The following GRIN2B variants were observed in gnomAD, a reference collection of about 807,000 sequenced individuals.
GRIN2B encodes glutamate ionotropic receptor NMDA type subunit 2B.
GRIN2B carries 5 observed loss-of-function variants against 114.5 expected under a neutral mutation model. That is an observed-to-expected ratio of 0.04 (90% CI 0.02 to 0.09). The LOEUF (loss-of-function observed/expected upper bound fraction) is 0.09. GRIN2B is among the 10% of genes least tolerant of loss of function. GRIN2B has a pLI of 1.00. For synonymous variants in GRIN2B, 787 were observed against 745.1 expected, an observed-to-expected ratio of 1.06 and a Z score of -0.92; for missense variants, 1,108 against 1,943.5, an observed-to-expected ratio of 0.57 and a Z score of 8.08.
At position 13,556,560 on chromosome 12, in the gene GRIN2B, T is replaced by G. The variant is rs1948481362; in HGVS notation, c.*6223A>C. 6.6e-6 allele frequency: 1 copy of G among 152,136 alleles called. No homozygotes were observed. Among genetic ancestry groups the G allele is most frequent in the African/African-American group, 2.4e-5 (1 of 41,418 alleles). 9.4% of individuals were successfully genotyped at this position (152,136 alleles called of 1,614,324 possible). A position where few individuals can be genotyped will look rare whatever the true frequency, so the allele number is the denominator to read the frequency against. Reference sequence around the variant, plus strand: ...TCCTAAATCACAACATTAAAATAATTACCGATAAAAGAGTTCAGGTTTAAA... The same window carrying G: ...TCCTAAATCACAACATTAAAATAATGACCGATAAAAGAGTTCAGGTTTAAA... On this transcript the variant is annotated 3_prime_UTR_variant, in exon 14 of 14. Coordinates refer to ENST00000609686, the MANE Select transcript of GRIN2B (RefSeq NM_000834.5).
chr12:13,898,641 G>T (rs767410538), intron 2 of GRIN2B, among the ~76,000 whole-genome samples: 2 of 152,238 alleles, frequency 1.3e-5, no homozygotes, highest in African/African-American at 4.8e-5. Context: ...GCTGGGCACG[G>T]TGGCTCATGC....
At position 13,629,998 on chromosome 12, in the gene GRIN2B, G is replaced by A. The variant is rs536210249; in HGVS notation, c.1126-13341C>T. Among the ~76,000 whole-genome samples the A allele has an allele frequency of 3.9e-5, 6 of 152,230 alleles. No homozygotes were observed. The South Asian group carries it at 1.2e-3, about 32-fold the overall frequency. ...ATATCTCGGCCTCACAACTTGCCATGATATCTTATATCTAACTGCTTATGT... is the reference window on the plus strand; with the variant it reads ...ATATCTCGGCCTCACAACTTGCCATAATATCTTATATCTAACTGCTTATGT... On this transcript the variant is annotated intron_variant, in intron 5 of 13. Transcript: ENST00000609686.
At chr12:13,705,448 T>C (rs11055596) in intron 4 of GRIN2B, among the ~76,000 whole-genome samples, 47,615 of 152,022 alleles carry the variant, frequency 0.31, 8,452 homozygotes, top group Non-Finnish European at 0.41. Flanking sequence ...AAAAGTATAC[T>C]ATATTTTGAA....
intron 3 of GRIN2B, among the ~76,000 whole-genome samples, chr12:13,769,625 G>A (rs542782496): frequency 5.9e-5 from 9 of 152,348 alleles, no homozygotes; most frequent in African/African-American, 2.2e-4. Flanking sequence ...TGCACTTGAA[G>A]ATTTATAGTT....
intron 10 of GRIN2B, among the ~76,000 whole-genome samples, chr12:13,576,942 C>T (rs1948784717): frequency 6.6e-6 from 1 of 152,168 alleles, no homozygotes; most frequent in Admixed American, 6.5e-5. Flanking sequence ...ATTATCAACA[C>T]ATAGATTTGG....
chr12:13,952,744 C>T (rs1867511978), intron 2 of GRIN2B, among the ~76,000 whole-genome samples: 1 of 151,894 alleles, frequency 6.6e-6, no homozygotes, highest in African/African-American at 2.4e-5. Flanking sequence ...GTTAGAACTT[C>T]TATTTATATT....
At chr12:13,737,470 C>T (rs565023923) in intron 4 of GRIN2B, among the ~76,000 whole-genome samples, 11 of 152,266 alleles carry the variant, frequency 7.2e-5, no homozygotes, top group Admixed American at 1.3e-4. Context: ...CTCAGCCTCC[C>T]AAAATGCTGG....
intron 5 of GRIN2B, among the ~76,000 whole-genome samples, chr12:13,630,303 A>G (rs1445078024): frequency 1.3e-5 from 2 of 152,276 alleles, no homozygotes; most frequent in Non-Finnish European, 2.9e-5. Flanking sequence ...TTTAATTTTC[A>G]GAATAGTCTT....
At chr12:13,672,296 G>A (rs757317314) in intron 5 of GRIN2B, among the ~76,000 whole-genome samples, 2 of 152,096 alleles carry the variant, frequency 1.3e-5, no homozygotes, top group East Asian at 3.9e-4. Flanking sequence ...ACCAGTGGCT[G>A]ACAGTCCTAT....
intron 2 of GRIN2B, among the ~76,000 whole-genome samples, chr12:13,951,048 C>T (rs1472245809): frequency 6.6e-6 from 1 of 152,014 alleles, no homozygotes; most frequent in Non-Finnish European, 1.5e-5. Context: ...AAGAGCAAGG[C>T]CAAGAGAGAG....
chr12:13,611,895 A>G, intron 8 of GRIN2B, 45 bp from the exon 9 acceptor site: 1 of 1,602,312 alleles, frequency 6.2e-7, no homozygotes, highest in Non-Finnish European at 8.6e-7. Context: ...AACAGAGAGC[A>G]AAAGAATTCG....
intron 10 of GRIN2B, among the ~76,000 whole-genome samples, chr12:13,573,112 C>T (rs1275100228): frequency 6.7e-6 from 1 of 149,142 alleles, no homozygotes; most frequent in Non-Finnish European, 1.5e-5. Context: ...GATGATAATG[C>T]CTAATTTTCA....
Position 13,553,047 on chromosome 12 carries a change from A to G in GRIN2B, c.*9736T>C, listed in dbSNP as rs1948433642. ...AATGGCATAATGAGATTTACAGAGAAGGCTGGCCGGGAGAAGGAACGAAAA... is the reference window on the plus strand; with the variant it reads ...AATGGCATAATGAGATTTACAGAGAGGGCTGGCCGGGAGAAGGAACGAAAA... On this transcript the variant is annotated 3_prime_UTR_variant, in exon 14 of 14. Transcript: ENST00000609686. 6.6e-6 allele frequency: 1 copy of G among 152,240 alleles called. No homozygotes were observed. The highest frequency in any genetic ancestry group is 6.5e-5 in the Admixed American group (1 of 15,280). The allele number at this position is 152,240 out of a possible 1,614,324, so 9.4% of individuals were successfully genotyped here. A position where few individuals can be genotyped will look rare whatever the true frequency, so the allele number is the denominator to read the frequency against.
intron 2 of GRIN2B, among the ~76,000 whole-genome samples, chr12:13,945,731 A>G (rs1223959264): frequency 6.6e-6 from 1 of 152,206 alleles, no homozygotes; most frequent in East Asian, 1.9e-4. Flanking sequence ...AAAGCAGGTC[A>G]GTCTAACCCC....
At position 13,843,026 on chromosome 12, in the gene GRIN2B, ATTATTTAT is replaced by A. The variant is rs60291696; in HGVS notation, c.411+22764_411+22771del. On this transcript the variant is annotated intron_variant, in intron 3 of 13. Transcript: ENST00000609686. ...TAATTTTTACTTTTTAAAATTTTTT[ATTATTTAT>A]TTATTTATTTATTTATTTATATTTT... is the stretch of plus-strand genomic sequence containing the variant. Among the ~76,000 whole-genome samples the A allele has an allele frequency of 8.5e-3, 993 of 117,086 alleles. 6 individuals are homozygous for A. The highest frequency in any genetic ancestry group is 0.018 in the Middle Eastern group (4 of 224). 76.8% of individuals were successfully genotyped at this position (117,086 alleles called of 152,430 possible).
intron 5 of GRIN2B, among the ~76,000 whole-genome samples, chr12:13,657,007 C>T (rs994823471): frequency 2.0e-5 from 3 of 152,104 alleles, no homozygotes; most frequent in Admixed American, 6.5e-5. Context: ...ACTCAGAAAA[C>T]GGATCAATCG....
chr12:13,837,692 C>G (rs766971256), intron 3 of GRIN2B, among the ~76,000 whole-genome samples: 4 of 152,056 alleles, frequency 2.6e-5, no homozygotes, highest in Admixed American at 6.5e-5. Context: ...GCCTTCCTCT[C>G]GATGGTGGTG....
intron 4 of GRIN2B, among the ~76,000 whole-genome samples, chr12:13,679,820 G>A (rs1950111630): frequency 6.6e-6 from 1 of 152,140 alleles, no homozygotes; most frequent in African/African-American, 2.4e-5. Flanking sequence ...TTCTAGACAT[G>A]TGATCTTGGC....
intron 4 of GRIN2B, among the ~76,000 whole-genome samples, chr12:13,676,310 A>G (rs1950073321): frequency 6.6e-6 from 1 of 152,258 alleles, no homozygotes; most frequent in African/African-American, 2.4e-5. Context: ...CTATAAAATG[A>G]ACCTGCACAT....
Sources: gnomAD v4.1 joint callset for allele counts (sites outside exome capture counted in the v4.1 genomes callset) on GRCh38, gnomAD v4.1.1 for gene constraint, MANE v1.5 for transcripts, NCBI Gene and HGNC (gene_info 2026-07-23, HGNC 2026-07-21) for gene names.